PIEZO2: variants seen among roughly 807,000 people sequenced by gnomAD.
PIEZO2 encodes the protein piezo-type mechanosensitive ion channel component 2.
PIEZO2 carries 172 observed loss-of-function variants against 337.3 expected under a neutral mutation model. The ratio of observed to expected loss-of-function variants is 0.51; its 90% CI spans 0.45 to 0.58. PIEZO2 has a LOEUF of 0.58. PIEZO2 is among the 20% of genes least tolerant of loss of function. PIEZO2 has a pLI of 0.00. For missense variants in PIEZO2, 3,028 were observed against 3,391.3 expected (o/e 0.89, Z 2.66); for synonymous variants, 1,251 against 1,228.5 (o/e 1.02, Z -0.38).
chr18:10,694,884 A>T (rs965544041), intron 47 of PIEZO2, among the ~76,000 whole-genome samples: 1 of 152,156 alleles, frequency 6.6e-6, no homozygotes, highest in African/African-American at 2.4e-5. Context: ...AGCATGTCAC[A>T]GTCTGGGAGT....
At chr18:11,008,036 C>T (rs1046380924) in intron 2 of PIEZO2, among the ~76,000 whole-genome samples, 1 of 152,178 alleles carries the variant, frequency 6.6e-6, no homozygotes, top group Non-Finnish European at 1.5e-5. Flanking sequence ...TCTTTCTCCT[C>T]ACTTGACAAG....
intron 2 of PIEZO2, among the ~76,000 whole-genome samples, chr18:11,041,800 C>G (rs2037133507): frequency 6.6e-6 from 1 of 152,198 alleles, no homozygotes. Context: ...TACTTACTAC[C>G]TCTTTATTGA....
In PIEZO2 at chr18:10,746,874, C is replaced by T. The variant is rs1045598720; in HGVS notation, c.4424+1597G>A. ...TTGAGTGTATACTGTTTATAGACCA[C>T]CTACTTTATGGTATTTTTGTTATGT... On this transcript the variant is annotated intron_variant, in intron 30 of 55. Coordinates refer to ENST00000674853, the MANE Select transcript of PIEZO2 (RefSeq NM_001378183.1). The surrounding 1 kb of genome is among the most constrained non-coding windows in gnomAD (Gnocchi z 4.2). Among the ~76,000 whole-genome samples the T allele has an allele frequency of 2.0e-5, 3 of 152,140 alleles. No homozygotes were observed. The highest frequency in any genetic ancestry group is 7.2e-5 in the African/African-American group (3 of 41,430).
At chr18:10,731,371 GC>G in intron 36 of PIEZO2, 35 bp downstream of exon 36, 2 of 1,447,502 alleles carry the variant, frequency 1.4e-6, no homozygotes, top group Non-Finnish European at 1.9e-6. Flanking sequence ...CCTGAAACCT[GC>G]CACACCCACC....
chr18:10,976,040 A>G (rs1044480022), intron 3 of PIEZO2, among the ~76,000 whole-genome samples: 3 of 152,224 alleles, frequency 2.0e-5, no homozygotes, highest in African/African-American at 7.2e-5. Context: ...CTGATGGTAT[A>G]ATCATAACTC....
chr18:11,076,511 G>A (rs1299833969), intron 1 of PIEZO2, among the ~76,000 whole-genome samples: 1 of 151,640 alleles, frequency 6.6e-6, no homozygotes, highest in Non-Finnish European at 1.5e-5. Flanking sequence ...GATACTATTT[G>A]TAAACTATGA....
rs1255914352 is a variant in PIEZO2, at chr18:11,001,322, G to T, written c.161-21662C>A. ...CAGCAGCTAGTAGAGAAGGCCAAAA[G>T]TCAGCACATCTTGCTAGGCATGCAC... On this transcript the variant is annotated intron_variant, in intron 2 of 55. Transcript: ENST00000674853. This position sits in a 1 kb window ranked among gnomAD's most constrained non-coding sequence, Gnocchi z 5.3. Among the ~76,000 whole-genome samples the T allele has an allele frequency of 6.6e-6, 1 of 152,120 alleles. No individual in the cohort carries two copies. Among genetic ancestry groups the T allele is most frequent in the Non-Finnish European group, 1.5e-5 (1 of 68,026 alleles).
At chr18:11,090,399 T>C (rs75740254) in intron 1 of PIEZO2, among the ~76,000 whole-genome samples, 91 of 152,236 alleles carry the variant, frequency 6.0e-4, no homozygotes, top group Non-Finnish European at 1.0e-3. Flanking sequence ...AGCTCCGAAA[T>C]AGAAGTGAAT....
chr18:10,742,615 C>T lies in PIEZO2; in HGVS notation c.4515G>A (p.Gln1505=), dbSNP rs1598423701. 6.5e-7 allele frequency: 1 copy of T among 1,536,966 alleles called. No individual in the cohort carries two copies. The highest frequency in any genetic ancestry group is 8.7e-7 in the Non-Finnish European group (1 of 1,146,768). Reference sequence around the variant, plus strand: ...GTTGCCTGGCCTTGATGCGATCCATCCTATAAAGTAAAATAACATTAGTAA... The same window carrying T: ...GTTGCCTGGCCTTGATGCGATCCATTCTATAAAGTAAAATAACATTAGTAA... ...EKKSMDQLKR[Q]MDRIKARQQK... The change falls in exon 32 of 56, where the codon CAG becomes CAA. Residue 1505 remains glutamine, a splice_region_variant and synonymous_variant. Coordinates refer to ENST00000674853, the MANE Select transcript of PIEZO2 (RefSeq NM_001378183.1).
At chr18:11,124,795 A>G (rs1270427882) in intron 1 of PIEZO2, among the ~76,000 whole-genome samples, 8 of 152,064 alleles carry the variant, frequency 5.3e-5, no homozygotes, top group Admixed American at 5.2e-4. Context: ...TAAACAATAC[A>G]CTTTAAATGC....
At chr18:10,934,882 A>C (rs1337314488) in intron 3 of PIEZO2, among the ~76,000 whole-genome samples, 1 of 152,130 alleles carries the variant, frequency 6.6e-6, no homozygotes, top group Non-Finnish European at 1.5e-5. Flanking sequence ...TTTAATCCTC[A>C]TGTCTACTAC....
At chr18:10,699,256 C>T in intron 43 of PIEZO2, 79 bp from the exon 44 acceptor site, 1 of 1,501,626 alleles carries the variant, frequency 6.7e-7, no homozygotes, top group Non-Finnish European at 8.9e-7. Flanking sequence ...AAAATCTCAT[C>T]CAACAAACTG....
At chr18:10,873,813 TGAAAACTGCTAGAA>T (rs1475659184) in intron 4 of PIEZO2, among the ~76,000 whole-genome samples, 1 of 151,952 alleles carries the variant, frequency 6.6e-6, no homozygotes, top group African/African-American at 2.4e-5. Context: ...GAAGAAAACA[TGAAAACTGCTAGAA>T]GAAAACTATA....
At chr18:10,796,264 G>C (rs1420201623) in intron 12 of PIEZO2, among the ~76,000 whole-genome samples, 2 of 152,002 alleles carry the variant, frequency 1.3e-5, no homozygotes, top group African/African-American at 4.8e-5. Context: ...CAGCTACTCG[G>C]GAGGCTGAGG....
chr18:10,957,692 T>C lies in PIEZO2; in HGVS notation c.286+21843A>G, dbSNP rs1223837521. On this transcript the variant is annotated intron_variant, in intron 3 of 55. Coordinates refer to ENST00000674853, the MANE Select transcript of PIEZO2 (RefSeq NM_001378183.1). ...AGATTGCATCAAACCAAAAAGCTTC[T>C]GCACAGCAAAGGAAACAACTAACAG... 2.0e-5 allele frequency among the ~76,000 whole-genome samples: 3 copies of C among 152,172 alleles called. 1 individual carries two copies. Among genetic ancestry groups the C allele is most frequent in the Admixed American group, 1.3e-4 (2 of 15,270 alleles).
intron 2 of PIEZO2, among the ~76,000 whole-genome samples, chr18:10,985,823 G>T (rs1178699155): frequency 2.0e-5 from 3 of 151,896 alleles, no homozygotes; most frequent in Non-Finnish European, 4.4e-5. Context: ...AGGGAGGAAA[G>T]AAATTACAGA....
chr18:10,759,791 A>T lies in PIEZO2; in HGVS notation c.3569T>A (p.Ile1190Asn). Residue 1190 changes from isoleucine to asparagine, a missense_variant, in exon 25 of 56, where the codon ATC (isoleucine) becomes AAC (asparagine). Transcript: ENST00000674853. The surrounding 1 kb of genome is among the most constrained non-coding windows in gnomAD (Gnocchi z 5.5). ...CAGGAAGCAGCAGTACTTGGGCCAG[A>T]TCTCTGCGATGGCTTTCCTTCTGCG... ...YRRRRKAIAE[I>N]WPKYCCFLAC... is the part of the protein sequence containing the mutation. 6.5e-7 allele frequency: 1 copy of T among 1,537,340 alleles called. No individual in the cohort carries two copies. The highest frequency in any genetic ancestry group is 8.7e-7 in the Non-Finnish European group (1 of 1,146,930).
Position 10,762,967 on chromosome 18 carries a change from C to G in PIEZO2, c.3078G>C (p.Gln1026His). The change falls in exon 22 of 56, where the codon CAG (glutamine) becomes CAC (histidine). Residue 1026 changes from glutamine to histidine, a missense_variant. Gln to His is a conservative substitution (Grantham distance 24, BLOSUM62 0). Around this residue, in one of 5 missense-constraint regions of PIEZO2, gnomAD observed 1,925 missense variants for 2,051.9 expected, o/e 0.94. Transcript: ENST00000674853. ...AGTTCTCAGGCTTAATGGTTTGGAG[C>G]TGGTACAACATTTTGCAGACGATGA... ...CVIIVCKMLY[Q>H]LQTIKPENFS... 3.9e-6 allele frequency: 6 copies of G among 1,537,304 alleles called. No homozygotes were observed. The highest frequency in any genetic ancestry group is 5.2e-6 in the Non-Finnish European group (6 of 1,146,928).
At chr18:10,717,303 T>A (rs1299472982) in intron 37 of PIEZO2, among the ~76,000 whole-genome samples, 1 of 152,218 alleles carries the variant, frequency 6.6e-6, no homozygotes, top group Non-Finnish European at 1.5e-5. Context: ...TCCACATATA[T>A]GTGTGTCCAA....
Sources: gnomAD v4.1 joint callset for allele counts (sites outside exome capture counted in the v4.1 genomes callset) on GRCh38, gnomAD v4.1.1 for gene constraint, gnomAD v4.1.1 regional missense constraint, Gnocchi (gnomAD v3.1) non-coding constraint, MANE v1.5 for transcripts, NCBI Gene and HGNC (gene_info 2026-07-23, HGNC 2026-07-21) for gene names.